Variants in SIL1 observed in about 807,000 individuals in gnomAD.
The protein encoded by SIL1 is SIL1 nucleotide exchange factor.
Under a neutral mutation model 49.1 loss-of-function variants are expected in SIL1, and 40 were observed. The observed-to-expected ratio is 0.81, with a 90% CI of 0.63 to 1.06. The LOEUF is 1.06. SIL1 is among the 50% of genes least tolerant of loss of function. The pLI, the probability that SIL1 is intolerant of heterozygous loss-of-function variation, is 0.00. For synonymous variants in SIL1, 253 were observed against 250.8 expected (o/e 1.01, Z -0.08); for missense variants, 500 against 572.6 (o/e 0.87, Z 1.29).
Position 139,120,741 on chromosome 5 carries a change from G to A in SIL1, c.244+294C>T, listed in dbSNP as rs544665736. Reference sequence around the variant, plus strand: ...TTTGCAGAGCAAGGCACATGTCACTGCCTCTCTGGTGCTTCAGAAGTGCAG... The same window carrying A: ...TTTGCAGAGCAAGGCACATGTCACTACCTCTCTGGTGCTTCAGAAGTGCAG... On this transcript the variant is annotated intron_variant, in intron 3 of 9. Coordinates refer to ENST00000394817, the MANE Select transcript of SIL1 (RefSeq NM_022464.5). Among the ~76,000 whole-genome samples, 5 of 152,302 alleles carry A rather than the reference G, an allele frequency of 3.3e-5. No homozygotes were observed. In the South Asian group the frequency reaches 1.0e-3, roughly 32 times the overall value.
At chr5:139,100,922 TA>T (rs375986669) in intron 3 of SIL1, among the ~76,000 whole-genome samples, 3 of 145,898 alleles carry the variant, frequency 2.1e-5, no homozygotes, top group Non-Finnish European at 3.0e-5. Flanking sequence ...AGGTTGGAGA[TA>T]AAAAAAAAAC....
intron 3 of SIL1, among the ~76,000 whole-genome samples, chr5:139,061,018 G>A (rs1167538163): frequency 6.6e-6 from 1 of 152,128 alleles, no homozygotes; most frequent in Non-Finnish European, 1.5e-5. Context: ...AAACATGAAT[G>A]GTGAGGGCTG....
chr5:139,078,848 C>A (rs1770008754), intron 3 of SIL1, among the ~76,000 whole-genome samples: 2 of 152,220 alleles, frequency 1.3e-5, no homozygotes, highest in African/African-American at 2.4e-5. Context: ...GTTTCCACAT[C>A]AGCAGTCAAT....
intron 7 of SIL1, among the ~76,000 whole-genome samples, chr5:138,954,516 C>A (rs1766858865): frequency 6.6e-6 from 1 of 152,246 alleles, no homozygotes; most frequent in Admixed American, 6.5e-5. Flanking sequence ...CCTTTTAGGG[C>A]TGCCCAGGCA....
intron 1 of SIL1, among the ~76,000 whole-genome samples, chr5:139,161,473 A>C (rs1041740980): frequency 6.6e-6 from 1 of 152,160 alleles, no homozygotes; most frequent in African/African-American, 2.4e-5. Flanking sequence ...ATGAGTAGAG[A>C]CCAGTATCTG....
At chr5:139,055,178 C>G (rs1339591279) in intron 3 of SIL1, among the ~76,000 whole-genome samples, 1 of 152,170 alleles carries the variant, frequency 6.6e-6, no homozygotes, top group Admixed American at 6.5e-5. Context: ...CAGAGCTGAT[C>G]CCAAGGCTGA....
chr5:139,064,533 C>T (rs899256096), intron 3 of SIL1, among the ~76,000 whole-genome samples: 3 of 152,192 alleles, frequency 2.0e-5, no homozygotes, highest in East Asian at 1.9e-4. Context: ...TTTAACAAAA[C>T]GAGGTTATTC....
chr5:139,102,484 CAAAAAAA>C (rs57739735), intron 3 of SIL1, among the ~76,000 whole-genome samples: 1 of 115,700 alleles, frequency 8.6e-6, no homozygotes, highest in African/African-American at 3.2e-5. Context: ...TGTCAGCAGG[CAAAAAAA>C]AAAAAAAAAA....
chr5:139,023,294 T>G (rs895515559), intron 6 of SIL1, among the ~76,000 whole-genome samples: 1 of 152,062 alleles, frequency 6.6e-6, no homozygotes, highest in Admixed American at 6.6e-5. Flanking sequence ...CATCTCGGTC[T>G]GGGGCCAAAA....
At chr5:139,007,937 C>A (rs1318443868) in intron 7 of SIL1, among the ~76,000 whole-genome samples, 9 of 151,558 alleles carry the variant, frequency 5.9e-5, no homozygotes, top group African/African-American at 1.7e-4. Flanking sequence ...TTTGTTGTGT[C>A]TCTGCCAGGC....
intron 7 of SIL1, among the ~76,000 whole-genome samples, chr5:139,004,512 A>G (rs370084172): frequency 6.6e-6 from 1 of 152,154 alleles, no homozygotes; most frequent in East Asian, 1.9e-4. Flanking sequence ...CTTTATATTC[A>G]AATCTTCACA....
At chr5:139,193,862 C>T (rs1262027050) in intron 1 of SIL1, among the ~76,000 whole-genome samples, 1 of 152,234 alleles carries the variant, frequency 6.6e-6, no homozygotes, top group Non-Finnish European at 1.5e-5. Flanking sequence ...TCAATGAAGG[C>T]ATTCCCATTT....
intron 1 of SIL1, among the ~76,000 whole-genome samples, chr5:139,170,077 C>A (rs551281764): frequency 6.6e-6 from 1 of 151,668 alleles, no homozygotes; most frequent in Non-Finnish European, 1.5e-5. Flanking sequence ...CTGTGTTGGC[C>A]GGGCTGGTCT....
At chr5:139,134,364 G>A (rs1750928847) in intron 1 of SIL1, among the ~76,000 whole-genome samples, 1 of 152,090 alleles carries the variant, frequency 6.6e-6, no homozygotes, top group Non-Finnish European at 1.5e-5. Context: ...TCGAACTCCT[G>A]GGCTCAACTG....
intron 7 of SIL1, among the ~76,000 whole-genome samples, chr5:138,970,586 G>A (rs1385813898): frequency 6.6e-6 from 1 of 152,100 alleles, no homozygotes; most frequent in African/African-American, 2.4e-5. Flanking sequence ...TAAGTAATGT[G>A]CCAAGGCCCT....
At chr5:138,999,831 A>G (rs1767950823) in intron 7 of SIL1, among the ~76,000 whole-genome samples, 1 of 152,126 alleles carries the variant, frequency 6.6e-6, no homozygotes, top group Admixed American at 6.5e-5. Flanking sequence ...CCAGCAGGTC[A>G]AGGCTGCAGT....
intron 7 of SIL1, among the ~76,000 whole-genome samples, chr5:138,990,801 T>C (rs1388489908): frequency 6.6e-6 from 1 of 152,182 alleles, no homozygotes; most frequent in Non-Finnish European, 1.5e-5. Flanking sequence ...CCGCAACCTC[T>C]ACCTCCTGGG....
chr5:139,101,903 G>GAGA (rs1234392594), intron 3 of SIL1, among the ~76,000 whole-genome samples: 36 of 152,274 alleles, frequency 2.4e-4, no homozygotes, highest in South Asian at 2.1e-3. Flanking sequence ...GGACCACATA[G>GAGA]AGAAGAAATT....
At chr5:139,157,063 C>G (rs1413766333) in intron 1 of SIL1, among the ~76,000 whole-genome samples, 1 of 152,188 alleles carries the variant, frequency 6.6e-6, no homozygotes, top group Non-Finnish European at 1.5e-5. Flanking sequence ...AAGCAATCAG[C>G]ACTGACAGCT....
Sources: gnomAD v4.1 joint callset for allele counts (sites outside exome capture counted in the v4.1 genomes callset) on GRCh38, gnomAD v4.1.1 for gene constraint, MANE v1.5 for transcripts, NCBI Gene and HGNC (gene_info 2026-07-23, HGNC 2026-07-21) for gene names.